PDPR: variants seen among roughly 807,000 people sequenced by gnomAD.
PDPR encodes pyruvate dehydrogenase phosphatase regulatory subunit, also known as pyruvate dehydrogenase phosphatase regulatory subunit, mitochondrial.
PDPR carries 50 observed loss-of-function variants against 102.2 expected under a neutral mutation model. That is an observed-to-expected ratio of 0.49 (90% CI 0.39 to 0.62). PDPR has a LOEUF of 0.62. PDPR is among the 20% of genes least tolerant of loss of function. The pLI is 0.00. For synonymous variants in PDPR, 259 were observed against 406.0 expected, an observed-to-expected ratio of 0.64 and a Z score of 4.35; for missense variants, 625 against 1,098.2, an observed-to-expected ratio of 0.57 and a Z score of 6.09.
chr16:70,152,348 G>A (rs1018129762), intron 17 of PDPR, among the ~76,000 whole-genome samples: 2 of 152,276 alleles, frequency 1.3e-5, no homozygotes, highest in African/African-American at 2.4e-5. Flanking sequence ...GCGAAACCTC[G>A]TCTCTACTAA....
rs546297609 is a variant in PDPR, at chr16:70,126,386, C to T, written c.228-874C>T. ...TTATTTTTTTTACTTTTTTTTGAGG[C>T]GGAGTCTCGCTCTGTCACCCAGGCT... is the stretch of plus-strand genomic sequence containing the variant. On this transcript the variant is annotated intron_variant, in intron 3 of 18. Coordinates refer to ENST00000288050, the MANE Select transcript of PDPR (RefSeq NM_017990.5). 1.2e-4 allele frequency among the ~76,000 whole-genome samples: 18 copies of T among 152,290 alleles called. No homozygotes were observed. The East Asian group carries it at 1.5e-3, about 13-fold the overall frequency.
chr16:70,149,524 C>T (rs913402939), intron 17 of PDPR, among the ~76,000 whole-genome samples: 2 of 152,264 alleles, frequency 1.3e-5, no homozygotes, highest in African/African-American at 4.8e-5. Context: ...CCTCAGCCTC[C>T]CAAAGTGCTG....
intron 3 of PDPR, among the ~76,000 whole-genome samples, chr16:70,125,317 G>T (rs1161475091): frequency 1.3e-5 from 2 of 152,148 alleles, no homozygotes; most frequent in African/African-American, 4.8e-5. Flanking sequence ...TGGAGGTTGC[G>T]GTGAGCCGAG....
At chr16:70,152,592 G>A (rs150656241) in intron 17 of PDPR, among the ~76,000 whole-genome samples, 18 of 152,404 alleles carry the variant, frequency 1.2e-4, no homozygotes, top group Middle Eastern at 3.4e-3. Flanking sequence ...CTACAGTGGT[G>A]CAGTTCATAG....
At chr16:70,147,161 C>G (rs1966303871) in intron 16 of PDPR, among the ~76,000 whole-genome samples, 1 of 126,464 alleles carries the variant, frequency 7.9e-6, no homozygotes, top group Non-Finnish European at 1.7e-5. Flanking sequence ...GTCTTGAACT[C>G]CTGACCTCAG....
chr16:70,127,091 T>C (rs62050961), intron 3 of PDPR, among the ~76,000 whole-genome samples, 169 bp from the exon 4 acceptor site: 33,354 of 143,492 alleles, frequency 0.23, 1,157 homozygotes, highest in Non-Finnish European at 0.31. Context: ...CAAGCAGTCC[T>C]CAGTCCTCCT....
At chr16:70,131,043 G>A (rs1422749289) in intron 7 of PDPR, among the ~76,000 whole-genome samples, 1 of 152,240 alleles carries the variant, frequency 6.6e-6, no homozygotes. Context: ...TTTATCAAAA[G>A]GACCTCCTTT....
At chr16:70,154,383 A>T (rs1208128720) in intron 18 of PDPR, among the ~76,000 whole-genome samples, 2 of 152,076 alleles carry the variant, frequency 1.3e-5, no homozygotes, top group East Asian at 3.9e-4. Flanking sequence ...GTGGCTCACA[A>T]CTGTAATCCT....
intron 14 of PDPR, 116 bp downstream of exon 14, chr16:70,143,774 C>T (rs1350689560): frequency 1.5e-6 from 2 of 1,315,526 alleles, no homozygotes; most frequent in African/African-American, 3.0e-5. Context: ...GTCTAAGAAT[C>T]ATTACATGAA....
intron 18 of PDPR, among the ~76,000 whole-genome samples, chr16:70,154,950 GTTTTT>G (rs1167779925): frequency 4.6e-5 from 7 of 152,060 alleles, no homozygotes; most frequent in Non-Finnish European, 5.9e-5. Context: ...AATTTTTTTG[GTTTTT>G]TTGTTTTGGG....
At chr16:70,145,761 A>C (rs1239497969) in intron 15 of PDPR, 1 of 466,804 alleles carries the variant, frequency 2.1e-6, no homozygotes, top group African/African-American at 2.0e-5. Context: ...AAGCATTAGG[A>C]TATGTTTGAA....
intron 9 of PDPR, among the ~76,000 whole-genome samples, chr16:70,132,598 C>T (rs1964650836): frequency 6.6e-6 from 1 of 151,864 alleles, no homozygotes; most frequent in Non-Finnish European, 1.5e-5. Context: ...GACTGGAGTG[C>T]AGTTGCACAA....
At chr16:70,148,673 T>A (rs1225054782) in intron 17 of PDPR, 120 bp downstream of exon 17, 1 of 843,334 alleles carries the variant, frequency 1.2e-6, no homozygotes, top group Admixed American at 2.0e-5. Context: ...CACTGGCAGG[T>A]TTGGAGAGCT....
At chr16:70,156,035 A>G (rs1207982242) in intron 18 of PDPR, among the ~76,000 whole-genome samples, 1 of 152,216 alleles carries the variant, frequency 6.6e-6, no homozygotes, top group Non-Finnish European at 1.5e-5. Flanking sequence ...AACTATAGGC[A>G]CACTCCACCA....
chr16:70,130,445 A>G lies in PDPR; in HGVS notation c.630A>G (p.Thr210=). 5 of 1,613,772 alleles carry G rather than the reference A, an allele frequency of 3.1e-6. No individual in the cohort carries two copies. The highest frequency in any genetic ancestry group is 4.2e-6 in the Non-Finnish European group (5 of 1,179,770). The change falls in exon 7 of 19, where the codon ACA becomes ACG. Residue 210 remains threonine (T), a synonymous_variant. Coordinates refer to ENST00000288050, the MANE Select transcript of PDPR (RefSeq NM_017990.5). The part of the protein sequence containing the change: ...SQNGVQIYDR[T]SVLHVMVKKG... Reference sequence around the variant, plus strand: ...CAGGTGTTCAGATCTATGACCGGACATCTGTTCTTCATGTAATGGTCAAAA... The same window carrying G: ...CAGGTGTTCAGATCTATGACCGGACGTCTGTTCTTCATGTAATGGTCAAAA...
intron 3 of PDPR, among the ~76,000 whole-genome samples, chr16:70,125,342 C>T (rs1179102815): frequency 1.3e-5 from 2 of 152,052 alleles, no homozygotes; most frequent in African/African-American, 2.4e-5. Flanking sequence ...TGCCATTGCA[C>T]TCCAATCTGA....
downstream of PDPR, among the ~76,000 whole-genome samples, chr16:70,163,010 G>A (rs957887230): frequency 3.9e-5 from 6 of 152,380 alleles, no homozygotes; most frequent in Non-Finnish European, 7.3e-5. Flanking sequence ...GAGTACAGTG[G>A]TGTGATCTTG....
At chr16:70,151,806 C>T (rs1379904185) in intron 17 of PDPR, among the ~76,000 whole-genome samples, 2 of 152,252 alleles carry the variant, frequency 1.3e-5, no homozygotes, top group Non-Finnish European at 2.9e-5. Flanking sequence ...ATGTTTGTCT[C>T]TCTGAGAAGA....
intron 11 of PDPR, among the ~76,000 whole-genome samples, chr16:70,141,821 C>T (rs1426845590): frequency 3.3e-5 from 5 of 152,258 alleles, no homozygotes; most frequent in South Asian, 2.1e-4. Context: ...GAAATTGGGC[C>T]GGGCAGAGTG....
Sources: gnomAD v4.1 joint callset for allele counts (sites outside exome capture counted in the v4.1 genomes callset) on GRCh38, gnomAD v4.1.1 for gene constraint, MANE v1.5 for transcripts, NCBI Gene and HGNC (gene_info 2026-07-23, HGNC 2026-07-21) for gene names.